GRID1: variants seen among roughly 807,000 people sequenced by gnomAD.
GRID1 encodes the protein glutamate ionotropic receptor delta type subunit 1, also known as glutamate receptor ionotropic, delta-1.
A neutral mutation model predicts 98.0 loss-of-function variants in GRID1; 28 were observed. That is an observed-to-expected ratio of 0.29 (90% CI 0.21 to 0.39). The LOEUF is 0.39. Ranked by LOEUF, GRID1 falls within the 10% of genes least tolerant of loss-of-function variation. GRID1 has a pLI of 1.00. For missense variants in GRID1, 1,111 were observed against 1,340.5 expected (o/e 0.83, Z 2.67); for synonymous variants, 553 against 538.5 (o/e 1.03, Z -0.37).
chr10:85,657,496 G>T (rs1191533028), intron 12 of GRID1, among the ~76,000 whole-genome samples: 1 of 152,180 alleles, frequency 6.6e-6, no homozygotes, highest in Non-Finnish European at 1.5e-5. Context: ...TAGGTTATAT[G>T]TATGAATCAT....
intron 4 of GRID1, among the ~76,000 whole-genome samples, chr10:86,037,797 G>A (rs1163920684): frequency 6.6e-6 from 1 of 151,962 alleles, no homozygotes; most frequent in African/African-American, 2.4e-5. Flanking sequence ...CTCTCGGGTG[G>A]GCGTGGGAAG....
intron 8 of GRID1, among the ~76,000 whole-genome samples, chr10:85,847,727 TC>T (rs1350998713): frequency 1.3e-5 from 2 of 150,430 alleles, no homozygotes; most frequent in Admixed American, 6.6e-5. Flanking sequence ...AAAAAAAAAA[TC>T]AAGCCACAAA....
intron 4 of GRID1, among the ~76,000 whole-genome samples, chr10:86,132,514 A>T (rs1174537614): frequency 1.3e-5 from 2 of 152,260 alleles, no homozygotes; most frequent in Admixed American, 6.5e-5. Context: ...ATGCAAATGC[A>T]GGGCCATATT....
At chr10:86,133,701 CACT>C (rs1333189378) in intron 4 of GRID1, among the ~76,000 whole-genome samples, 7 of 152,342 alleles carry the variant, frequency 4.6e-5, no homozygotes, top group Admixed American at 4.6e-4. Context: ...AGTCCTTCAA[CACT>C]ACTGTAGACA....
chr10:86,316,571 G>A (rs143601048), intron 2 of GRID1, among the ~76,000 whole-genome samples: 261 of 152,384 alleles, frequency 1.7e-3, no homozygotes, highest in African/African-American at 6.0e-3. Context: ...AAAGCCTCCA[G>A]GCTCGGGAGG....
At chr10:85,901,540 C>T (rs995777183) in intron 5 of GRID1, among the ~76,000 whole-genome samples, 32 of 152,332 alleles carry the variant, frequency 2.1e-4, no homozygotes, top group African/African-American at 7.7e-4. Context: ...AGCGTGCTTG[C>T]TGTCTGCCTG....
intron 14 of GRID1, among the ~76,000 whole-genome samples, chr10:85,617,219 A>C: frequency 6.9e-6 from 1 of 145,872 alleles, no homozygotes; most frequent in East Asian, 2.1e-4. Flanking sequence ...TGCACCATAC[A>C]ACAAAGCCCC....
chr10:86,167,065 G>T (rs1049323007), intron 3 of GRID1, among the ~76,000 whole-genome samples: 3 of 152,224 alleles, frequency 2.0e-5, no homozygotes, highest in Non-Finnish European at 2.9e-5. Flanking sequence ...AGGGTAGAAG[G>T]GGAAGGCCTC....
At chr10:86,008,292 G>A (rs934766878) in intron 4 of GRID1, among the ~76,000 whole-genome samples, 3 of 151,958 alleles carry the variant, frequency 2.0e-5, no homozygotes, top group Non-Finnish European at 4.4e-5. Context: ...CAGAAGGAGG[G>A]TTATAGCCCT....
chr10:86,352,505 C>A (rs1354284270), intron 2 of GRID1, among the ~76,000 whole-genome samples: 2 of 151,074 alleles, frequency 1.3e-5, no homozygotes, highest in African/African-American at 4.9e-5. Flanking sequence ...GTCTTCCTGG[C>A]TTGCAGATGG....
In GRID1 at chr10:86,346,822, CA is replaced by C. The variant is rs144613560; in HGVS notation, c.235+17118del. Reference sequence around the variant, plus strand: ...TGGAGGGAGCTCTCAGGGTTCCCCACAAATGTGCCTATTGGGAGGAATAAAG... The same window carrying C: ...TGGAGGGAGCTCTCAGGGTTCCCCACAATGTGCCTATTGGGAGGAATAAAG... On this transcript the variant is annotated intron_variant, in intron 2 of 15. Coordinates refer to ENST00000327946, the MANE Select transcript of GRID1 (RefSeq NM_017551.3). 1.9e-4 allele frequency among the ~76,000 whole-genome samples: 29 copies of C among 152,302 alleles called. No individual in the cohort carries two copies. The East Asian group carries it at 5.6e-3, about 29-fold the overall frequency.
chr10:86,075,292 A>C (rs1243907571), intron 4 of GRID1, among the ~76,000 whole-genome samples: 3 of 146,616 alleles, frequency 2.0e-5, no homozygotes, highest in African/African-American at 7.6e-5. Flanking sequence ...CATTAGAGTA[A>C]GCCCTAATCC....
intron 2 of GRID1, among the ~76,000 whole-genome samples, chr10:86,261,280 C>T (rs1031118890): frequency 4.6e-5 from 7 of 152,232 alleles, no homozygotes; most frequent in African/African-American, 1.7e-4. Flanking sequence ...GCTAGCAGGG[C>T]CTGCAGGACC....
At chr10:86,236,677 C>T (rs1419749837) in intron 2 of GRID1, among the ~76,000 whole-genome samples, 5 of 152,216 alleles carry the variant, frequency 3.3e-5, no homozygotes, top group Non-Finnish European at 7.3e-5. Flanking sequence ...AGGCAGGACC[C>T]ATTACGGGAG....
intron 12 of GRID1, among the ~76,000 whole-genome samples, chr10:85,691,164 A>G (rs1004137598): frequency 6.6e-6 from 1 of 152,230 alleles, no homozygotes; most frequent in African/African-American, 2.4e-5. Context: ...ACACAAAAAA[A>G]TGAACCAATG....
intron 2 of GRID1, among the ~76,000 whole-genome samples, chr10:86,242,399 G>GC (rs1174895674): frequency 5.3e-5 from 8 of 152,256 alleles, no homozygotes; most frequent in Non-Finnish European, 1.2e-4. Context: ...GAGCCTCAGG[G>GC]GGCTAGGCTG....
intron 5 of GRID1, among the ~76,000 whole-genome samples, chr10:85,898,197 T>C (rs972228434): frequency 6.6e-6 from 1 of 152,190 alleles, no homozygotes; most frequent in African/African-American, 2.4e-5. Context: ...TGAATATAGC[T>C]AGACATAGAA....
chr10:85,882,789 T>A (rs189012169), intron 5 of GRID1, among the ~76,000 whole-genome samples: 1,928 of 152,208 alleles, frequency 0.013, 32 homozygotes, highest in African/African-American at 0.042. Context: ...AATATTTTTT[T>A]AAAAAATCAT....
chr10:85,769,388 C>T (rs565972475), intron 8 of GRID1, among the ~76,000 whole-genome samples: 6 of 152,262 alleles, frequency 3.9e-5, no homozygotes, highest in South Asian at 2.1e-4. Flanking sequence ...CAGCTCCCAG[C>T]GTGAGCGACA....
Sources: gnomAD v4.1 joint callset for allele counts (sites outside exome capture counted in the v4.1 genomes callset) on GRCh38, gnomAD v4.1.1 for gene constraint, MANE v1.5 for transcripts, NCBI Gene and HGNC (gene_info 2026-07-23, HGNC 2026-07-21) for gene names.